The following PLEKHM3 variants were observed in gnomAD, a reference collection of about 807,000 sequenced individuals.
PLEKHM3 encodes pleckstrin homology domain-containing family M member 3.
Under a neutral mutation model 81.8 loss-of-function variants are expected in PLEKHM3, and 45 were observed. The observed-to-expected ratio is 0.55, with a 90% CI of 0.43 to 0.71. PLEKHM3 has a LOEUF of 0.71. Ranked by LOEUF, PLEKHM3 falls within the 30% of genes least tolerant of loss-of-function variation. The probability of loss-of-function intolerance (pLI) is 0.00; values close to 1 mark genes in which losing one functional copy is unlikely to be tolerated. For synonymous variants in PLEKHM3, 352 were observed against 356.4 expected, an observed-to-expected ratio of 0.99 and a Z score of 0.14; for missense variants, 788 against 924.3, an observed-to-expected ratio of 0.85 and a Z score of 1.91.
At chr2:208,020,433 A>G (rs1693087553) in intron 1 of PLEKHM3, among the ~76,000 whole-genome samples, 1 of 152,238 alleles carries the variant, frequency 6.6e-6, no homozygotes, top group Non-Finnish European at 1.5e-5. Flanking sequence ...TACTGTCATC[A>G]AGATTAATTA....
At chr2:208,011,526 G>A (rs1692692012) in intron 1 of PLEKHM3, among the ~76,000 whole-genome samples, 1 of 152,020 alleles carries the variant, frequency 6.6e-6, no homozygotes, top group African/African-American at 2.4e-5. Flanking sequence ...ACCAAACATC[G>A]TATGTTCTCA....
intron 6 of PLEKHM3, among the ~76,000 whole-genome samples, chr2:207,866,398 CT>C (rs2092501347): frequency 6.6e-6 from 1 of 152,186 alleles, no homozygotes; most frequent in Non-Finnish European, 1.5e-5. Context: ...CTTGTGTGAT[CT>C]GCCTGCCTCG....
Position 207,906,564 on chromosome 2 carries a change from G to A in PLEKHM3, c.1950+1950C>T, listed in dbSNP as rs151260107. On this transcript the variant is annotated intron_variant, in intron 6 of 7. Coordinates refer to ENST00000427836, the MANE Select transcript of PLEKHM3 (RefSeq NM_001080475.3). The stretch of plus-strand genomic sequence containing the variant: ...AGCTCTTTGGGAGGCTGAGGCAGGC[G>A]GATCACTTGAGGTCAGAAGTTTGAA... Among the ~76,000 whole-genome samples, 1,519 of 152,244 alleles carry A rather than the reference G, an allele frequency of 1.0e-2. 25 individuals carry two copies. The highest frequency in any genetic ancestry group is 0.034 in the African/African-American group (1,419 of 41,552).
At chr2:207,957,551 A>T (rs547733902) in intron 3 of PLEKHM3, among the ~76,000 whole-genome samples, 2 of 152,294 alleles carry the variant, frequency 1.3e-5, no homozygotes, top group African/African-American at 4.8e-5. Flanking sequence ...ACTAAAAATT[A>T]GTTGGGTGTG....
At chr2:207,908,622 A>T in intron 5 of PLEKHM3, 45 bp from the exon 6 acceptor site, 9 of 1,503,862 alleles carry the variant, frequency 6.0e-6, no homozygotes, top group Non-Finnish European at 8.3e-6. Context: ...GTGCTGCCAT[A>T]ACACACATTT....
chr2:208,002,536 C>T (rs1692345651), intron 1 of PLEKHM3, among the ~76,000 whole-genome samples: 1 of 152,158 alleles, frequency 6.6e-6, no homozygotes, highest in South Asian at 2.1e-4. Context: ...CGGTTTCAGG[C>T]TCCAAACTCC....
intron 7 of PLEKHM3, among the ~76,000 whole-genome samples, chr2:207,858,914 A>G (rs2092451365): frequency 6.6e-6 from 1 of 152,132 alleles, no homozygotes; most frequent in South Asian, 2.1e-4. Flanking sequence ...GAACATTTTC[A>G]TCACCCCAAA....
intron 1 of PLEKHM3, among the ~76,000 whole-genome samples, chr2:208,003,710 TA>T (rs1378172176): frequency 2.0e-5 from 3 of 152,234 alleles, no homozygotes; most frequent in African/African-American, 7.2e-5. Flanking sequence ...TTTCTGAGTC[TA>T]AAGTTAAACC....
At chr2:207,900,936 G>T (rs1688401862) in intron 6 of PLEKHM3, 1 of 289,888 alleles carries the variant, frequency 3.4e-6, no homozygotes, top group East Asian at 6.3e-5. Flanking sequence ...TTTAAAATAG[G>T]AAACAACAAA....
At chr2:207,927,131 C>G (rs865980921) in intron 5 of PLEKHM3, among the ~76,000 whole-genome samples, 1 of 152,160 alleles carries the variant, frequency 6.6e-6, no homozygotes, top group Non-Finnish European at 1.5e-5. Flanking sequence ...CAACTCCTCC[C>G]TCTTTCAGTT....
At chr2:207,937,570 T>C (rs1287503641) in intron 4 of PLEKHM3, among the ~76,000 whole-genome samples, 1 of 128,106 alleles carries the variant, frequency 7.8e-6, no homozygotes, top group Non-Finnish European at 1.7e-5. Context: ...ACACTGTCTC[T>C]AAAAAAAAAA....
chr2:207,939,144 C>A (rs1689853847), intron 4 of PLEKHM3, among the ~76,000 whole-genome samples: 1 of 152,186 alleles, frequency 6.6e-6, no homozygotes, highest in Non-Finnish European at 1.5e-5. Flanking sequence ...CCGCTCCAAG[C>A]AGATTAATCC....
chr2:207,913,153 TGG>T (rs1157991991), intron 5 of PLEKHM3, among the ~76,000 whole-genome samples: 1 of 151,730 alleles, frequency 6.6e-6, no homozygotes, highest in Non-Finnish European at 1.5e-5. Context: ...GTTGTCTTGG[TGG>T]GGGAAAGGGT....
intron 2 of PLEKHM3, among the ~76,000 whole-genome samples, chr2:207,984,181 C>T (rs1315220371): frequency 6.6e-6 from 1 of 152,228 alleles, no homozygotes; most frequent in Non-Finnish European, 1.5e-5. Context: ...CCCTCTCCAA[C>T]TCTTGTTTTT....
At chr2:208,022,084 C>T (rs1011496698) in intron 1 of PLEKHM3, among the ~76,000 whole-genome samples, 3 of 152,154 alleles carry the variant, frequency 2.0e-5, no homozygotes, top group Non-Finnish European at 2.9e-5. Context: ...AAGGTAGGAG[C>T]ATCATTGAGG....
chr2:208,021,214 T>C (rs2106132740), intron 1 of PLEKHM3, among the ~76,000 whole-genome samples: 2 of 152,330 alleles, frequency 1.3e-5, no homozygotes, highest in African/African-American at 4.8e-5. Flanking sequence ...TCAGGCACCA[T>C]TTTTTTCTGT....
chr2:207,954,439 T>A (rs947950543), intron 3 of PLEKHM3, among the ~76,000 whole-genome samples: 2 of 152,120 alleles, frequency 1.3e-5, no homozygotes, highest in Admixed American at 1.3e-4. Flanking sequence ...GAATGTTCAA[T>A]ACACATTATA....
At chr2:208,009,511 G>GT (rs1692615046) in intron 1 of PLEKHM3, among the ~76,000 whole-genome samples, 1 of 152,172 alleles carries the variant, frequency 6.6e-6, no homozygotes, top group Non-Finnish European at 1.5e-5. Flanking sequence ...TTTGTGCCAG[G>GT]TATGTCGCTT....
chr2:207,997,145 CTTTG>C (rs1038148669), intron 2 of PLEKHM3, among the ~76,000 whole-genome samples: 14 of 152,188 alleles, frequency 9.2e-5, no homozygotes, highest in African/African-American at 2.4e-4. Flanking sequence ...AAATATGCTA[CTTTG>C]TTTGACCAGA....
Sources: gnomAD v4.1 joint callset for allele counts (sites outside exome capture counted in the v4.1 genomes callset) on GRCh38, gnomAD v4.1.1 for gene constraint, MANE v1.5 for transcripts, NCBI Gene and HGNC (gene_info 2026-07-23, HGNC 2026-07-21) for gene names.